GBF1: variants seen among roughly 807,000 people sequenced by gnomAD.
GBF1 encodes the protein Golgi-specific brefeldin A-resistance guanine nucleotide exchange factor 1.
A neutral mutation model predicts 210.5 loss-of-function variants in GBF1; 114 were observed. The ratio of observed to expected loss-of-function variants is 0.54; its 90% CI spans 0.47 to 0.63. The LOEUF is 0.63. Ranked by LOEUF, GBF1 falls within the 30% of genes least tolerant of loss-of-function variation. GBF1 has a pLI of 0.00. For synonymous variants in GBF1, 850 were observed against 889.2 expected, an observed-to-expected ratio of 0.96 and a Z score of 0.78; for missense variants, 1,851 against 2,357.7, an observed-to-expected ratio of 0.79 and a Z score of 4.45.
At chr10:102,339,945 C>A (rs980651743) in intron 3 of GBF1, among the ~76,000 whole-genome samples, 1 of 136,362 alleles carries the variant, frequency 7.3e-6, no homozygotes, top group Non-Finnish European at 1.5e-5. Context: ...TGCCATCATA[C>A]CTGGTTAATT....
At chr10:102,340,489 G>A (rs867921332) in intron 3 of GBF1, among the ~76,000 whole-genome samples, 9 of 151,582 alleles carry the variant, frequency 5.9e-5, no homozygotes, top group Non-Finnish European at 1.0e-4. Context: ...TAGCCAGGAT[G>A]GTCTCGATCT....
intron 7 of GBF1, among the ~76,000 whole-genome samples, chr10:102,353,059 A>G (rs945779): frequency 0.05 from 7,641 of 152,184 alleles, 385 homozygotes; most frequent in African/African-American, 0.13. Context: ...ACAGACTCAC[A>G]GAAGAGCTGA....
intron 1 of GBF1, among the ~76,000 whole-genome samples, chr10:102,249,984 C>T (rs1034373278): frequency 2.6e-5 from 4 of 152,126 alleles, no homozygotes; most frequent in African/African-American, 9.7e-5. Context: ...GCCAATGCGC[C>T]CAGCCTTCTC....
chr10:102,266,881 A>G (rs2073920470), intron 3 of GBF1, among the ~76,000 whole-genome samples: 1 of 152,206 alleles, frequency 6.6e-6, no homozygotes, highest in African/African-American at 2.4e-5. Context: ...TCAGGAGTTT[A>G]TTTAAGTATA....
At chr10:102,280,891 T>C (rs1179374525) in intron 3 of GBF1, among the ~76,000 whole-genome samples, 1 of 152,206 alleles carries the variant, frequency 6.6e-6, no homozygotes, top group African/African-American at 2.4e-5. Context: ...GATGGATTGT[T>C]CTGGGAAAGG....
intron 3 of GBF1, among the ~76,000 whole-genome samples, chr10:102,334,451 A>G (rs2057572915): frequency 6.6e-6 from 1 of 152,124 alleles, no homozygotes. Flanking sequence ...GTAGCTTAGG[A>G]GAGTATTCTG....
At chr10:102,271,913 A>G (rs895452052) in intron 3 of GBF1, among the ~76,000 whole-genome samples, 3 of 151,666 alleles carry the variant, frequency 2.0e-5, no homozygotes, top group African/African-American at 7.3e-5. Flanking sequence ...CATCATGCCC[A>G]GCCAATTTTT....
rs187303832 is a variant in GBF1 at position 102,342,359 on chromosome 10, A to T, written c.164-1692A>T. On this transcript the variant is annotated intron_variant, in intron 3 of 39. Coordinates refer to ENST00000369983, the MANE Select transcript of GBF1 (RefSeq NM_001377137.1). Reference sequence around the variant, plus strand: ...GCCCTTTTATGTGCTTTTTAAAAGTACGTTATGTATTTCAGTTTTTCACAC... The same window carrying T: ...GCCCTTTTATGTGCTTTTTAAAAGTTCGTTATGTATTTCAGTTTTTCACAC... Among the ~76,000 whole-genome samples, 594 of 151,910 alleles carry T rather than the reference A, an allele frequency of 3.9e-3. 5 individuals carry two copies. Among genetic ancestry groups the T allele is most frequent in the Non-Finnish European group, 5.8e-3 (392 of 67,942 alleles).
At chr10:102,307,730 C>A (rs2078028655) in intron 3 of GBF1, among the ~76,000 whole-genome samples, 1 of 152,002 alleles carries the variant, frequency 6.6e-6, no homozygotes, top group African/African-American at 2.4e-5. Flanking sequence ...GGCAGAGTTG[C>A]AACGAGCCGA....
chr10:102,317,596 C>T lies in GBF1; in HGVS notation c.164-26455C>T, dbSNP rs7899053. ...TCACGTCATTGCACTCCAGCCTGGG[C>T]GACAAGAGCAAGACTACATCTTTAA... On this transcript the variant is annotated intron_variant, in intron 3 of 39. Coordinates refer to ENST00000369983, the MANE Select transcript of GBF1 (RefSeq NM_001377137.1). Among the ~76,000 whole-genome samples, 1,349 of 152,006 alleles carry T rather than the reference C, an allele frequency of 8.9e-3. 19 individuals carry two copies. Among genetic ancestry groups the T allele is most frequent in the African/African-American group, 0.03 (1,234 of 41,446 alleles).
At chr10:102,350,826 G>A (rs2058912099) in intron 4 of GBF1, among the ~76,000 whole-genome samples, 1 of 152,080 alleles carries the variant, frequency 6.6e-6, no homozygotes, top group South Asian at 2.1e-4. Context: ...GCTCACATCT[G>A]TAATCCCAGC....
chr10:102,275,954 G>C (rs1434419021), intron 3 of GBF1, among the ~76,000 whole-genome samples: 1 of 152,166 alleles, frequency 6.6e-6, no homozygotes, highest in Non-Finnish European at 1.5e-5. Context: ...TAATGTTTCT[G>C]GGCTGGGCGT....
chr10:102,341,844 A>G (rs528551635), intron 3 of GBF1, among the ~76,000 whole-genome samples: 2 of 152,326 alleles, frequency 1.3e-5, no homozygotes, highest in South Asian at 4.1e-4. Context: ...GAAGACATGA[A>G]GCAAGTATAT....
intron 1 of GBF1, among the ~76,000 whole-genome samples, chr10:102,256,164 C>T (rs544362775): frequency 3.3e-5 from 5 of 152,174 alleles, no homozygotes; most frequent in African/African-American, 4.8e-5. Context: ...AGGCTGGTCT[C>T]GAACTCCTGG....
intron 29 of GBF1, among the ~76,000 whole-genome samples, chr10:102,371,744 C>T (rs949985077): frequency 1.3e-5 from 2 of 152,138 alleles, no homozygotes; most frequent in South Asian, 2.1e-4. Flanking sequence ...GCCTGGCCAA[C>T]ATGGTGAAAC....
At chr10:102,331,489 A>G (rs1446891288) in intron 3 of GBF1, among the ~76,000 whole-genome samples, 1 of 152,088 alleles carries the variant, frequency 6.6e-6, no homozygotes. Context: ...ATTCATTAAA[A>G]AAAACAGATT....
At chr10:102,237,976 G>A in the GBF1 span, among the ~76,000 whole-genome samples, 1 of 152,032 alleles carries the variant, frequency 6.6e-6, no homozygotes, top group Non-Finnish European at 1.5e-5. Context: ...GCATCTTTGT[G>A]ACCTTTATTT....
intron 3 of GBF1, among the ~76,000 whole-genome samples, chr10:102,305,455 C>T (rs991778249): frequency 6.6e-6 from 1 of 151,654 alleles, no homozygotes; most frequent in African/African-American, 2.4e-5. Flanking sequence ...GTGAAAAATA[C>T]AAAAATTAGC....
chr10:102,319,529 C>T (rs975849960), intron 3 of GBF1, among the ~76,000 whole-genome samples: 3 of 152,100 alleles, frequency 2.0e-5, no homozygotes, highest in African/African-American at 7.2e-5. Flanking sequence ...GTCAAACACA[C>T]AGCTCTTCTC....
Sources: allele counts gnomAD v4.1 joint callset (sites outside exome capture counted in the v4.1 genomes callset), GRCh38; gene constraint gnomAD v4.1.1; transcripts MANE v1.5; gene names NCBI Gene and HGNC (gene_info 2026-07-23, HGNC 2026-07-21).